The following CCDC150 variants were observed in gnomAD, a reference collection of about 807,000 sequenced individuals.
The protein encoded by CCDC150 is coiled-coil domain-containing protein 150.
A neutral mutation model predicts 156.5 loss-of-function variants in CCDC150; 151 were observed. The observed-to-expected ratio is 0.97, with a 90% CI of 0.85 to 1.10. The LOEUF is 1.10. CCDC150 is among the 50% of genes least tolerant of loss of function. The pLI, the probability that CCDC150 is intolerant of heterozygous loss-of-function variation, is 0.00. For missense variants in CCDC150, 1,312 were observed against 1,268.1 expected, an observed-to-expected ratio of 1.03 and a Z score of -0.53; for synonymous variants, 452 against 429.4, an observed-to-expected ratio of 1.05 and a Z score of -0.65.
At chr2:196,667,508 G>C (rs943198078) in intron 7 of CCDC150, 1 of 153,196 alleles carries the variant, frequency 6.5e-6, no homozygotes, top group Non-Finnish European at 1.5e-5. Context: ...CTCAATGACA[G>C]AGGTCACAGA....
At chr2:196,649,650 T>C (rs1296666799) in intron 2 of CCDC150, among the ~76,000 whole-genome samples, 3 of 152,174 alleles carry the variant, frequency 2.0e-5, no homozygotes, top group Non-Finnish European at 4.4e-5. Flanking sequence ...CATAACTCAT[T>C]ACTGTATTTG....
chr2:196,659,622 A>G (rs1449009863), intron 5 of CCDC150, among the ~76,000 whole-genome samples: 1 of 152,168 alleles, frequency 6.6e-6, no homozygotes, highest in African/African-American at 2.4e-5. Flanking sequence ...TACTGATAAA[A>G]GCTTGATGCT....
intron 3 of CCDC150, 25 bp from the exon 4 acceptor site, chr2:196,656,933 A>T: frequency 6.2e-7 from 1 of 1,612,256 alleles, no homozygotes; most frequent in South Asian, 1.1e-5. Flanking sequence ...CTGCTGCTTG[A>T]TGCCCCTCCT....
chr2:196,685,394 A>G (rs1475576064), intron 13 of CCDC150, among the ~76,000 whole-genome samples: 8 of 152,144 alleles, frequency 5.3e-5, no homozygotes, highest in Admixed American at 6.5e-5. Context: ...TAGCTTCACA[A>G]TCCAAACCCC....
intron 4 of CCDC150, among the ~76,000 whole-genome samples, chr2:196,657,720 T>C (rs1693303248): frequency 6.6e-6 from 1 of 152,206 alleles, no homozygotes; most frequent in Non-Finnish European, 1.5e-5. Context: ...TGTTCTCCCT[T>C]CATGTCTAGG....
At chr2:196,692,566 C>T (rs1053016386) in intron 13 of CCDC150, among the ~76,000 whole-genome samples, 2 of 152,140 alleles carry the variant, frequency 1.3e-5, no homozygotes, top group East Asian at 1.9e-4. Context: ...TGAATTTTGC[C>T]TTAATTTCAT....
Position 196,676,198 on chromosome 2 carries a change from C to T in CCDC150, c.1193C>T (p.Ala398Val), listed in dbSNP as rs899056478. The T allele has an allele frequency of 1.8e-5, 29 of 1,613,188 alleles. No homozygotes were observed. Among genetic ancestry groups the T allele is most frequent in the Admixed American group, 5.0e-5 (3 of 59,984 alleles). The stretch of plus-strand genomic sequence containing the variant: ...CAAGAACAAAACTTATTGCTGGATG[C>T]AGCCCATGCCAGTATCACAAATGAA... ...TFQEQNLLLD[A>V]AHASITNELQ... The change falls in exon 11 of 28, where the codon GCA becomes GTA. Residue 398 changes from alanine to valine, a missense_variant. Physicochemically the swap from Ala to Val is moderately conservative, Grantham distance 64 (BLOSUM62 0). Transcript: ENST00000389175.
chr2:196,732,348 G>C (rs1486932785), intron 27 of CCDC150, 98 bp from the exon 28 acceptor site: 1 of 1,118,026 alleles, frequency 8.9e-7, no homozygotes, highest in Non-Finnish European at 1.3e-6. Context: ...AGAATCACTT[G>C]TCTTCATGAA....
At chr2:196,705,381 G>T (rs1349583423) in intron 15 of CCDC150, among the ~76,000 whole-genome samples, 2 of 152,082 alleles carry the variant, frequency 1.3e-5, no homozygotes, top group Non-Finnish European at 2.9e-5. Context: ...CATATCCTTC[G>T]CCAACTTTTT....
chr2:196,709,674 C>T (rs891050077), intron 15 of CCDC150, among the ~76,000 whole-genome samples: 2 of 152,152 alleles, frequency 1.3e-5, no homozygotes, highest in Non-Finnish European at 2.9e-5. Flanking sequence ...CATTGGTGAC[C>T]TACAGATGGA....
intron 15 of CCDC150, among the ~76,000 whole-genome samples, chr2:196,709,755 A>G (rs1405392181): frequency 6.6e-6 from 1 of 152,230 alleles, no homozygotes. Flanking sequence ...TCCTTCTAAC[A>G]GTCAGGTCCC....
chr2:196,639,796 C>A lies in CCDC150; in HGVS notation c.12+18C>A. On this transcript the variant is annotated intron_variant, in intron 1 of 27. Coordinates refer to ENST00000389175, the MANE Select transcript of CCDC150 (RefSeq NM_001080539.2). ...ACTGTAAGGTGAGGCTGCCGGGCCC[C>A]GGGCTGGTGAGGGGTGGTCGGAGGC... 1 of 1,574,226 alleles carries A rather than the reference C, an allele frequency of 6.4e-7. No homozygotes were observed. Among genetic ancestry groups the A allele is most frequent in the Non-Finnish European group, 8.6e-7 (1 of 1,156,076 alleles).
chr2:196,684,474 A>T (rs1695013291), intron 13 of CCDC150, among the ~76,000 whole-genome samples: 1 of 152,146 alleles, frequency 6.6e-6, no homozygotes, highest in Non-Finnish European at 1.5e-5. Context: ...TAACAGGGTT[A>T]TACCCTGAAG....
At position 196,726,088 on chromosome 2, in the gene CCDC150, G is replaced by A; in HGVS notation, c.2545G>A (p.Glu849Lys). ...AACTACAAAGAAAGTGGCACAACGGGAAGTGGCTGAGGTATAGTCATGAGA... is the reference window on the plus strand; with the variant it reads ...AACTACAAAGAAAGTGGCACAACGGAAAGTGGCTGAGGTATAGTCATGAGA... ...RETTKKVAQR[E>K]VAELKKALDE... Residue 849 changes from glutamate to lysine, a missense_variant, in exon 22 of 28, where the codon GAA becomes AAA. By Grantham distance (56) the Glu-to-Lys change is moderately conservative (BLOSUM62 1). Coordinates refer to ENST00000389175, the MANE Select transcript of CCDC150 (RefSeq NM_001080539.2). 1 of 1,613,140 alleles carries A rather than the reference G, an allele frequency of 6.2e-7. No individual in the cohort carries two copies. The highest frequency in any genetic ancestry group is 8.5e-7 in the Non-Finnish European group (1 of 1,179,482).
intron 2 of CCDC150, among the ~76,000 whole-genome samples, chr2:196,653,963 A>T (rs1041329251): frequency 6.6e-6 from 1 of 152,198 alleles, no homozygotes; most frequent in Non-Finnish European, 1.5e-5. Context: ...TGGAAGGCAA[A>T]GGGGGAGCAG....
intron 21 of CCDC150, among the ~76,000 whole-genome samples, 184 bp from the exon 22 acceptor site, chr2:196,725,789 G>A (rs1246699656): frequency 1.3e-5 from 2 of 152,184 alleles, no homozygotes; most frequent in African/African-American, 2.4e-5. Context: ...TAATGCTACA[G>A]GTAAATTCAC....
At position 196,729,799 on chromosome 2, in the gene CCDC150, GAA is replaced by G; in HGVS notation, c.2762_2763del (p.Lys921ArgfsTer9). On this transcript the variant is annotated frameshift_variant, in exon 24 of 28. Coordinates refer to ENST00000389175, the MANE Select transcript of CCDC150 (RefSeq NM_001080539.2). LOFTEE classifies it high-confidence loss of function. ...AQNIERMKQI[E>X]KELKQMELIK... is the part of the protein sequence containing the mutation. ...ATTTTCCAATTACTTTTAGCAAATA[GAA>G]AAAGAATTGAAGCAAATGGAGCTAA... 6.4e-7 allele frequency: 1 copy of G among 1,566,520 alleles called. No individual in the cohort carries two copies. Among genetic ancestry groups the G allele is most frequent in the Non-Finnish European group, 8.7e-7 (1 of 1,146,968 alleles).
intron 6 of CCDC150, 76 bp from the exon 7 acceptor site, chr2:196,666,643 C>CT: frequency 8.0e-7 from 1 of 1,256,386 alleles, no homozygotes; most frequent in Non-Finnish European, 1.1e-6. Flanking sequence ...GGAATGTTGC[C>CT]TTATACATGT....
chr2:196,732,493 T>C lies in CCDC150; in HGVS notation c.3237T>C (p.His1079=). 1 of 1,613,818 alleles carries C rather than the reference T, an allele frequency of 6.2e-7. No homozygotes were observed. Among genetic ancestry groups the C allele is most frequent in the Non-Finnish European group, 8.5e-7 (1 of 1,179,784 alleles). The change falls in exon 28 of 28, where the codon CAT becomes CAC. Residue 1079 remains histidine, a synonymous_variant. Transcript: ENST00000389175. The part of the protein sequence containing the change: ...HDVMSNQSVL[H]RWERKQNLRP... Reference sequence around the variant, plus strand: ...TCATGTCCAACCAATCTGTTCTGCATCGATGGGAGAGAAAACAGAATCTTA... The same window carrying C: ...TCATGTCCAACCAATCTGTTCTGCACCGATGGGAGAGAAAACAGAATCTTA...
Sources: allele counts gnomAD v4.1 joint callset (sites outside exome capture counted in the v4.1 genomes callset), GRCh38; gene constraint gnomAD v4.1.1; transcripts MANE v1.5; gene names NCBI Gene and HGNC (gene_info 2026-07-23, HGNC 2026-07-21).